Variants in SPATA3 observed in about 807,000 individuals in gnomAD.
SPATA3 encodes the protein spermatogenesis associated 3.
Under a neutral mutation model 5.7 loss-of-function variants are expected in SPATA3, and 6 were observed. The observed-to-expected ratio is 1.06, with a 90% CI of 0.58 to 2.09. The LOEUF (loss-of-function observed/expected upper bound fraction) is 2.09. SPATA3 is among the 30% of genes most tolerant of loss of function. The pLI is 0.00. For synonymous variants in SPATA3, 44 were observed against 48.4 expected (o/e 0.91, Z 0.37); for missense variants, 155 against 130.4 (o/e 1.19, Z -0.92).
chr2:231,016,588 G>A (rs530296038), intron 6 of SPATA3, among the ~76,000 whole-genome samples: 1 of 152,110 alleles, frequency 6.6e-6, no homozygotes, highest in East Asian at 1.9e-4. Flanking sequence ...GGGAGGCTGA[G>A]GCAGGAAAAT....
At chr2:231,019,153 T>C (rs958143172) in intron 6 of SPATA3, among the ~76,000 whole-genome samples, 1 of 150,046 alleles carries the variant, frequency 6.7e-6, no homozygotes, top group Non-Finnish European at 1.5e-5. Context: ...GTATTTTTAG[T>C]AGAGACGGGG....
chr2:231,013,174 C>T (rs1170862801), intron 5 of SPATA3, among the ~76,000 whole-genome samples: 1 of 151,410 alleles, frequency 6.6e-6, no homozygotes, highest in Non-Finnish European at 1.5e-5. Context: ...CCGAGTCTCC[C>T]CACCTACCAG....
chr2:231,014,731 G>C (rs1015088340), intron 6 of SPATA3, among the ~76,000 whole-genome samples: 1 of 152,120 alleles, frequency 6.6e-6, no homozygotes, highest in East Asian at 1.9e-4. Context: ...GGGAGCACTG[G>C]GAGGACTGTG....
intron 6 of SPATA3, among the ~76,000 whole-genome samples, chr2:231,015,269 T>TTTA: frequency 6.7e-6 from 1 of 149,180 alleles, no homozygotes; most frequent in African/African-American, 2.5e-5. Flanking sequence ...TTTTTTTTTT[T>TTTA]TTTTTTTTTT....
chr2:231,005,451 C>T (rs1485304114), downstream of SPATA3, among the ~76,000 whole-genome samples: 15 of 84,476 alleles, frequency 1.8e-4, no homozygotes, highest in South Asian at 9.3e-4. Flanking sequence ...ACCACCATCA[C>T]CACCACCACC....
rs575618962 is a variant in SPATA3 at position 231,014,693 on chromosome 2, C to G, written c.*565+481C>G. Among the ~76,000 whole-genome samples, 3 of 152,222 alleles carry G rather than the reference C, an allele frequency of 2.0e-5. No individual in the cohort carries two copies. In the South Asian group the frequency reaches 6.2e-4, roughly 32 times the overall value. ...GGTCTCCATCCTTCCAAAAGGACAC[C>G]CACCAAGAGGCTGACACAGGCCACA... On this transcript the variant is annotated intron_variant, in intron 6 of 8. Transcript: ENST00000452881.
At chr2:231,004,749 G>T (rs970814152), downstream of SPATA3, among the ~76,000 whole-genome samples, 9 of 152,110 alleles carry the variant, frequency 5.9e-5, no homozygotes, top group African/African-American at 1.7e-4. Flanking sequence ...TATTTCTGAG[G>T]CCTGGGGCAG....
At chr2:231,009,039 G>A (rs1278244712), downstream of SPATA3, among the ~76,000 whole-genome samples, 2 of 151,622 alleles carry the variant, frequency 1.3e-5, no homozygotes, top group Non-Finnish European at 2.9e-5. Context: ...AATGCAGGGG[G>A]CTGATTGGCC....
intron 2 of SPATA3, among the ~76,000 whole-genome samples, chr2:231,001,370 C>T (rs1692346733): frequency 6.6e-6 from 1 of 152,174 alleles, no homozygotes; most frequent in South Asian, 2.1e-4. Flanking sequence ...GGCGACCTCA[C>T]ACCCCCACCC....
At chr2:231,014,762 G>A (rs1359309296) in intron 6 of SPATA3, among the ~76,000 whole-genome samples, 1 of 152,130 alleles carries the variant, frequency 6.6e-6, no homozygotes, top group Admixed American at 6.5e-5. Flanking sequence ...GGGTGAGAAT[G>A]GGGGAGAGGT....
At chr2:231,005,115 TCAC>T (rs1692510552), downstream of SPATA3, among the ~76,000 whole-genome samples, 1 of 71,498 alleles carries the variant, frequency 1.4e-5, no homozygotes, top group Non-Finnish European at 2.9e-5. Context: ...ATCACCATCA[TCAC>T]CACCACCATC....
downstream of SPATA3, among the ~76,000 whole-genome samples, chr2:231,005,279 A>G (rs1190457693): frequency 3.8e-5 from 5 of 130,198 alleles, no homozygotes; most frequent in Non-Finnish European, 6.6e-5. Flanking sequence ...CATCACCATC[A>G]CCATCATCAT....
chr2:231,005,526 C>CCAT (rs1692582235), downstream of SPATA3, among the ~76,000 whole-genome samples: 1 of 2,766 alleles, frequency 3.6e-4, no homozygotes, highest in African/African-American at 1.7e-3. Context: ...ATCACCACCA[C>CCAT]CACCATCATC....
chr2:230,997,433 T>G (rs1486747826), intron 1 of SPATA3, among the ~76,000 whole-genome samples: 5 of 152,186 alleles, frequency 3.3e-5, no homozygotes, highest in African/African-American at 7.2e-5. Context: ...TTATCAGCAG[T>G]GTGAAAACAG....
chr2:231,013,098 G>A lies in SPATA3; in HGVS notation c.*226+401G>A, dbSNP rs547957788. Among the ~76,000 whole-genome samples, 139 of 152,150 alleles carry A rather than the reference G, an allele frequency of 9.1e-4. 1 individual carries two copies. The highest frequency in any genetic ancestry group is 3.0e-3 in the African/African-American group (124 of 41,496). ...CAAATCACATTTTATTCCCCAAGAC[G>A]CTTCTCTTCTGTCCTCAGACTTACC... On this transcript the variant is annotated intron_variant, in intron 5 of 8. Transcript: ENST00000452881.
At chr2:231,013,881 C>T (rs1219329652) in exon 6 of SPATA3, 2 of 147,234 alleles carry the variant, frequency 1.4e-5, no homozygotes, top group Non-Finnish European at 3.0e-5. Context: ...GAGGGTCTCA[C>T]TCTGTCACCC....
At position 231,015,674 on chromosome 2, in the gene SPATA3, G is replaced by A. The variant is rs13416599; in HGVS notation, c.*565+1462G>A. ...TCAACACACACGTCCCAGACCCTCT[G>A]GGCCCCTAGGCACCCTCGGCCTGCA... is the stretch of plus-strand genomic sequence containing the variant. On this transcript the variant is annotated intron_variant, in intron 6 of 8. Transcript: ENST00000452881. Among the ~76,000 whole-genome samples the A allele has an allele frequency of 4.5e-3, 685 of 152,304 alleles. 6 individuals are homozygous for A. Among genetic ancestry groups the A allele is most frequent in the African/African-American group, 0.016 (647 of 41,558 alleles).
intron 1 of SPATA3, 81 bp from the exon 2 acceptor site, chr2:231,000,285 T>A: frequency 1.5e-6 from 2 of 1,297,478 alleles, no homozygotes; most frequent in Non-Finnish European, 2.0e-6. Flanking sequence ...TGGGGGGCCT[T>A]CTCAGACTGT....
chr2:231,017,067 C>T (rs1412944803), intron 6 of SPATA3, among the ~76,000 whole-genome samples: 4 of 152,146 alleles, frequency 2.6e-5, no homozygotes, highest in East Asian at 1.9e-4. Flanking sequence ...ATGCCTGTTT[C>T]GTAATTGATC....
Sources: gnomAD v4.1 joint callset for allele counts (sites outside exome capture counted in the v4.1 genomes callset) on GRCh38, gnomAD v4.1.1 for gene constraint, MANE v1.5 for transcripts, NCBI Gene and HGNC (gene_info 2026-07-23, HGNC 2026-07-21) for gene names.